ROBO1: variants seen among roughly 807,000 people sequenced by gnomAD.
ROBO1 encodes the protein roundabout guidance receptor 1.
ROBO1 carries 149 observed loss-of-function variants against 195.9 expected under a neutral mutation model. That is an observed-to-expected ratio of 0.76 (90% confidence interval 0.67 to 0.87). ROBO1 has a LOEUF of 0.87. Ranked by LOEUF, ROBO1 falls within the 40% of genes least tolerant of loss-of-function variation. The pLI, the probability that ROBO1 is intolerant of heterozygous loss-of-function variation, is 0.00. For missense variants in ROBO1, 1,933 were observed against 2,068.3 expected, an observed-to-expected ratio of 0.93 and a Z score of 1.27; for synonymous variants, 816 against 733.2, an observed-to-expected ratio of 1.11 and a Z score of -1.82.
At chr3:78,796,588 C>T (rs2084191725) in intron 4 of ROBO1, among the ~76,000 whole-genome samples, 1 of 151,610 alleles carries the variant, frequency 6.6e-6, no homozygotes, top group Non-Finnish European at 1.5e-5. Context: ...ACTACTACTT[C>T]CCCTAACTTC....
chr3:79,574,901 C>T lies in ROBO1; in HGVS notation c.88+14923G>A, dbSNP rs370424417. 7.3e-5 allele frequency among the ~76,000 whole-genome samples: 11 copies of T among 151,190 alleles called. No individual in the cohort carries two copies. In the South Asian group the frequency reaches 2.3e-3, roughly 31 times the overall value. On this transcript the variant is annotated intron_variant, in intron 2 of 30. Transcript: ENST00000464233. ...ACTAAACACAAACAAAAAAATTATG[C>T]TTTTTTAAAACAGACAAAATAAAAC...
chr3:79,632,086 C>T (rs1576150919), intron 1 of ROBO1, among the ~76,000 whole-genome samples: 1 of 152,224 alleles, frequency 6.6e-6, no homozygotes, highest in Non-Finnish European at 1.5e-5. Context: ...TCTCAAAGAA[C>T]TGAAAATAAA....
chr3:79,164,464 T>C lies in ROBO1; in HGVS notation c.89-38925A>G, dbSNP rs2081027851. Among the ~76,000 whole-genome samples, 4 of 152,212 alleles carry C rather than the reference T, an allele frequency of 2.6e-5. No individual in the cohort carries two copies. The South Asian group carries it at 8.3e-4, about 32-fold the overall frequency. ...ATCATATTGCACCACCTTTATAATGTAACCAGAATATAAGTACGTCTCTCC... is the reference window on the plus strand; with the variant it reads ...ATCATATTGCACCACCTTTATAATGCAACCAGAATATAAGTACGTCTCTCC... On this transcript the variant is annotated intron_variant, in intron 2 of 30. Transcript: ENST00000464233.
chr3:78,757,388 T>C (rs1409270781), intron 4 of ROBO1, among the ~76,000 whole-genome samples: 3 of 151,872 alleles, frequency 2.0e-5, no homozygotes, highest in Non-Finnish European at 4.4e-5. Context: ...GACTAGAGTG[T>C]TTTCTAATTT....
At chr3:79,461,709 T>C (rs968911615) in intron 2 of ROBO1, among the ~76,000 whole-genome samples, 1 of 152,126 alleles carries the variant, frequency 6.6e-6, no homozygotes, top group Non-Finnish European at 1.5e-5. Context: ...TACACAGCAA[T>C]AAGTAACCAG....
rs1209742893 is a variant in ROBO1 at position 79,166,714 on chromosome 3, C to T, written c.89-41175G>A. Among the ~76,000 whole-genome samples the T allele has an allele frequency of 3.3e-5, 5 of 151,876 alleles. No homozygotes were observed. The South Asian group carries it at 6.3e-4, about 19-fold the overall frequency. ...CCGACCAGCTGGGTCTATAGGCGCC[C>T]GCCACCACGCCTGGCTAATTTTTTT... On this transcript the variant is annotated intron_variant, in intron 2 of 30. Coordinates refer to ENST00000464233, the MANE Select transcript of ROBO1 (RefSeq NM_002941.4).
intron 8 of ROBO1, among the ~76,000 whole-genome samples, chr3:78,699,397 A>C (rs1163596771): frequency 4.6e-5 from 3 of 65,206 alleles, no homozygotes; most frequent in African/African-American, 4.4e-4. Flanking sequence ...TAAAAATACA[A>C]AAAAAAAAAA....
chr3:79,613,925 C>T (rs1944742704), intron 1 of ROBO1, among the ~76,000 whole-genome samples: 2 of 151,798 alleles, frequency 1.3e-5, no homozygotes, highest in African/African-American at 4.8e-5. Flanking sequence ...CCAAGGATAA[C>T]AACAAATGTA....
chr3:79,381,818 T>C (rs2036585070), intron 2 of ROBO1, among the ~76,000 whole-genome samples: 1 of 152,138 alleles, frequency 6.6e-6, no homozygotes, highest in Non-Finnish European at 1.5e-5. Flanking sequence ...TATAGTAATA[T>C]GCATGTTATC....
intron 2 of ROBO1, among the ~76,000 whole-genome samples, chr3:79,186,157 A>C (rs1158342061): frequency 3.3e-5 from 5 of 152,054 alleles, no homozygotes; most frequent in South Asian, 2.1e-4. Flanking sequence ...CCACATGTAA[A>C]TCTTGGCTAA....
At chr3:79,686,752 T>C (rs971994174) in intron 1 of ROBO1, among the ~76,000 whole-genome samples, 4 of 152,184 alleles carry the variant, frequency 2.6e-5, no homozygotes, top group East Asian at 1.9e-4. Flanking sequence ...TCCATGCTCA[T>C]GGGTAGGAAG....
At position 78,717,876 on chromosome 3, in the gene ROBO1, C is replaced by G; in HGVS notation, c.665G>C (p.Gly222Ala). Residue 222 changes from glycine (G) to alanine (A), a missense_variant, in exon 6 of 31, where the codon GGA becomes GCA. Transcript: ENST00000464233. ...GGTGTAAGTGATCATGAGCTTTCCT[C>G]CTCGTATCTTAAAAAAAAAGTTTCA... ...DDKDERITIR[G>A]GKLMITYTRK... 6.2e-7 allele frequency: 1 copy of G among 1,613,074 alleles called. No individual in the cohort carries two copies. The highest frequency in any genetic ancestry group is 8.5e-7 in the Non-Finnish European group (1 of 1,179,456).
At chr3:78,643,598 G>A (rs192554603) in intron 21 of ROBO1, among the ~76,000 whole-genome samples, 5 of 152,250 alleles carry the variant, frequency 3.3e-5, no homozygotes, top group Admixed American at 6.5e-5. Flanking sequence ...GGCACATTTT[G>A]AGGTGTGAAG....
At chr3:78,679,818 T>C (rs556430197) in intron 10 of ROBO1, among the ~76,000 whole-genome samples, 2 of 152,130 alleles carry the variant, frequency 1.3e-5, no homozygotes, top group South Asian at 2.1e-4. Context: ...CCTCACAGAA[T>C]TGGAAAAAAC....
chr3:79,318,381 T>G (rs1365678081), intron 2 of ROBO1, among the ~76,000 whole-genome samples: 1 of 152,202 alleles, frequency 6.6e-6, no homozygotes, highest in Non-Finnish European at 1.5e-5. Context: ...GAATTCCCAT[T>G]GCATATACTA....
intron 2 of ROBO1, among the ~76,000 whole-genome samples, chr3:79,169,273 CCAAA>C (rs1167423020): frequency 1.3e-5 from 2 of 152,120 alleles, no homozygotes; most frequent in African/African-American, 2.4e-5. Flanking sequence ...TTATATTCCT[CCAAA>C]CAGTTAATGC....
intron 2 of ROBO1, among the ~76,000 whole-genome samples, chr3:79,494,344 A>G (rs183156605): frequency 2.0e-5 from 3 of 152,322 alleles, no homozygotes; most frequent in African/African-American, 7.2e-5. Flanking sequence ...GTTATATATC[A>G]TAAAAATTAC....
intron 4 of ROBO1, among the ~76,000 whole-genome samples, chr3:78,806,043 T>C (rs1027530568): frequency 6.6e-6 from 1 of 152,168 alleles, no homozygotes; most frequent in African/African-American, 2.4e-5. Flanking sequence ...CACTGTAAAC[T>C]TGAACTCCTG....
chr3:78,845,706 C>T (rs2033617667), intron 4 of ROBO1, among the ~76,000 whole-genome samples: 1 of 150,024 alleles, frequency 6.7e-6, no homozygotes, highest in South Asian at 2.1e-4. Context: ...TAATGCCCAT[C>T]ATGTCTGGGG....
Sources: gnomAD v4.1 joint callset for allele counts (sites outside exome capture counted in the v4.1 genomes callset) on GRCh38, gnomAD v4.1.1 for gene constraint, MANE v1.5 for transcripts, NCBI Gene and HGNC (gene_info 2026-07-23, HGNC 2026-07-21) for gene names.